The following TMEM178B variants were observed in gnomAD, a reference collection of about 807,000 sequenced individuals.
TMEM178B encodes transmembrane protein 178B.
A neutral mutation model predicts 31.0 loss-of-function variants in TMEM178B; 5 were observed. The observed-to-expected ratio is 0.16, with a 90% CI of 0.08 to 0.34. TMEM178B has a LOEUF of 0.34. TMEM178B is among the 10% of genes least tolerant of loss of function. TMEM178B has a pLI of 1.00. For synonymous variants in TMEM178B, 164 were observed against 164.0 expected (o/e 1.00, Z 0.00); for missense variants, 275 against 400.3 (o/e 0.69, Z 2.67).
intron 1 of TMEM178B, among the ~76,000 whole-genome samples, chr7:141,088,603 G>A (rs371315564): frequency 6.6e-6 from 1 of 151,988 alleles, no homozygotes; most frequent in Non-Finnish European, 1.5e-5. Flanking sequence ...CTTGCCTATT[G>A]GATATCTCCA....
intron 1 of TMEM178B, among the ~76,000 whole-genome samples, chr7:141,104,046 G>A (rs1427684080): frequency 2.0e-5 from 3 of 152,068 alleles, no homozygotes; most frequent in African/African-American, 2.4e-5. Context: ...ATGCACAACC[G>A]AAAAAACCAT....
chr7:141,280,860 G>A lies in TMEM178B; in HGVS notation c.496+68156G>A, dbSNP rs1798346136. 2.0e-5 allele frequency among the ~76,000 whole-genome samples: 3 copies of A among 152,176 alleles called. No homozygotes were observed. The South Asian group carries it at 6.2e-4, about 32-fold the overall frequency. On this transcript the variant is annotated intron_variant, in intron 2 of 3. Coordinates refer to ENST00000565468, the MANE Select transcript of TMEM178B (RefSeq NM_001195278.2). Reference sequence around the variant, plus strand: ...GGCCTGCTGGCCACAGTTGGAGGCTGCTTCTCTTTCTTGTTTTTTCCTGTT... The same window carrying A: ...GGCCTGCTGGCCACAGTTGGAGGCTACTTCTCTTTCTTGTTTTTTCCTGTT...
At chr7:141,388,002 C>T (rs887309411) in intron 2 of TMEM178B, among the ~76,000 whole-genome samples, 16 of 152,212 alleles carry the variant, frequency 1.1e-4, no homozygotes, top group African/African-American at 3.6e-4. Context: ...GCTGCCAAGC[C>T]GCACACCCTT....
chr7:141,086,657 G>A (rs1210557864), intron 1 of TMEM178B, among the ~76,000 whole-genome samples: 1 of 152,158 alleles, frequency 6.6e-6, no homozygotes, highest in Non-Finnish European at 1.5e-5. Context: ...AAATGGAATT[G>A]GAAAGGGTGC....
intron 2 of TMEM178B, among the ~76,000 whole-genome samples, chr7:141,241,590 C>CA (rs766018973): frequency 0.042 from 3,122 of 75,188 alleles, 79 homozygotes; most frequent in Non-Finnish European, 0.049. Context: ...GACTTCGTCT[C>CA]AAAAAAAAAA....
intron 1 of TMEM178B, among the ~76,000 whole-genome samples, chr7:141,182,416 G>A (rs1429090263): frequency 6.6e-6 from 1 of 152,182 alleles, no homozygotes; most frequent in South Asian, 2.1e-4. Flanking sequence ...GGTCATCCCT[G>A]TATTGTATAT....
intron 2 of TMEM178B, among the ~76,000 whole-genome samples, chr7:141,217,600 C>T (rs1166230350): frequency 2.6e-5 from 4 of 151,940 alleles, no homozygotes; most frequent in African/African-American, 4.8e-5. Context: ...GGTGACAGAG[C>T]GAGACTCCAT....
chr7:141,110,477 C>G (rs1482825269), intron 1 of TMEM178B, among the ~76,000 whole-genome samples: 2 of 152,148 alleles, frequency 1.3e-5, no homozygotes, highest in African/African-American at 4.8e-5. Context: ...AATATACACT[C>G]AAAGGTTAAT....
At chr7:141,375,224 T>C (rs1376723018) in intron 2 of TMEM178B, among the ~76,000 whole-genome samples, 2 of 152,208 alleles carry the variant, frequency 1.3e-5, no homozygotes, top group African/African-American at 2.4e-5. Context: ...AAATTATGCC[T>C]ATGATTATAT....
intron 2 of TMEM178B, among the ~76,000 whole-genome samples, chr7:141,337,155 C>T (rs1292837508): frequency 1.5e-3 from 3 of 1,986 alleles, no homozygotes; most frequent in Admixed American, 6.3e-3. Flanking sequence ...ATCACCACCA[C>T]CATCACCACC....
At chr7:141,489,318 T>C in the TMEM178B span, among the ~76,000 whole-genome samples, 1 of 152,178 alleles carries the variant, frequency 6.6e-6, no homozygotes, top group African/African-American at 2.4e-5. Context: ...TTCAAGTGCA[T>C]AACAGTGAAG....
At chr7:141,397,853 C>T (rs991230701) in intron 2 of TMEM178B, among the ~76,000 whole-genome samples, 3 of 152,204 alleles carry the variant, frequency 2.0e-5, no homozygotes, top group African/African-American at 7.2e-5. Flanking sequence ...AAGTTCTGCC[C>T]CCACTGTCCC....
At position 141,362,716 on chromosome 7, in the gene TMEM178B, T is replaced by G. The variant is rs1229322769; in HGVS notation, c.497-74892T>G. On this transcript the variant is annotated intron_variant, in intron 2 of 3. Transcript: ENST00000565468. ...TGAAGGACTGGCTTAGGGCCTGGAA[T>G]CTGGACATCCATGACTAATTGGGAA... Among the ~76,000 whole-genome samples, 4 of 152,340 alleles carry G rather than the reference T, an allele frequency of 2.6e-5. No homozygotes were observed. In the East Asian group the frequency reaches 7.7e-4, roughly 29 times the overall value.
intron 2 of TMEM178B, among the ~76,000 whole-genome samples, chr7:141,349,737 T>A (rs1343295714): frequency 6.6e-6 from 1 of 152,158 alleles, no homozygotes; most frequent in Non-Finnish European, 1.5e-5. Context: ...GGGAAGAAGC[T>A]ATAATAACAG....
At position 141,171,786 on chromosome 7, in the gene TMEM178B, T is replaced by C. The variant is rs947273783; in HGVS notation, c.383-40805T>C. On this transcript the variant is annotated intron_variant, in intron 1 of 3. Coordinates refer to ENST00000565468, the MANE Select transcript of TMEM178B (RefSeq NM_001195278.2). The surrounding 1 kb of genome is among the most constrained non-coding windows in gnomAD (Gnocchi z 4.3). ...GCAAATGTGGGCCAGCTTAACACCA[T>C]GAACCCAGTGCCTAACACTGTGCTA... Among the ~76,000 whole-genome samples, 2 of 152,162 alleles carry C rather than the reference T, an allele frequency of 1.3e-5. No individual in the cohort carries two copies. Among genetic ancestry groups the C allele is most frequent in the South Asian group, 4.1e-4 (2 of 4,828 alleles).
chr7:141,085,515 T>G (rs1794766453), intron 1 of TMEM178B, among the ~76,000 whole-genome samples: 1 of 137,890 alleles, frequency 7.3e-6, no homozygotes, highest in African/African-American at 2.6e-5. Flanking sequence ...AAAGGCAATT[T>G]ACTTTATATT....
At chr7:141,265,948 C>T (rs1235030585) in intron 2 of TMEM178B, among the ~76,000 whole-genome samples, 1 of 152,148 alleles carries the variant, frequency 6.6e-6, no homozygotes, top group Non-Finnish European at 1.5e-5. Context: ...CTGGAGCTCA[C>T]CCTCATTCAT....
At chr7:141,186,203 T>C (rs951673434) in intron 1 of TMEM178B, among the ~76,000 whole-genome samples, 3 of 152,174 alleles carry the variant, frequency 2.0e-5, no homozygotes, top group African/African-American at 7.2e-5. Context: ...AAACCAGAGC[T>C]AATCCTAGAA....
At chr7:141,183,106 G>A (rs554969074) in intron 1 of TMEM178B, among the ~76,000 whole-genome samples, 3 of 152,204 alleles carry the variant, frequency 2.0e-5, no homozygotes, top group African/African-American at 7.2e-5. Context: ...TTAATGGCTA[G>A]TATTCCTGAT....
Sources: gnomAD v4.1 joint callset for allele counts (sites outside exome capture counted in the v4.1 genomes callset) on GRCh38, gnomAD v4.1.1 for gene constraint, Gnocchi (gnomAD v3.1) non-coding constraint, MANE v1.5 for transcripts, NCBI Gene and HGNC (gene_info 2026-07-23, HGNC 2026-07-21) for gene names.